The following WWOX variants were observed in gnomAD, a reference collection of about 807,000 sequenced individuals.
WWOX encodes the protein WW domain-containing oxidoreductase.
In WWOX, 69 loss-of-function variants were observed where a neutral mutation model predicts 46.2. The ratio of observed to expected loss-of-function variants is 1.49; its 90% CI spans 1.23 to 1.82. WWOX has a LOEUF of 1.82. Among genes scored for constraint, WWOX ranks in the 40% most tolerant of loss-of-function variants. The pLI, the probability that WWOX is intolerant of heterozygous loss-of-function variation, is 0.00. For synonymous variants in WWOX, 359 were observed against 202.6 expected (o/e 1.77, Z -6.56); for missense variants, 919 against 542.6 (o/e 1.69, Z -6.89).
At chr16:78,531,710 G>T (rs1045296587) in intron 8 of WWOX, among the ~76,000 whole-genome samples, 1 of 151,956 alleles carries the variant, frequency 6.6e-6, no homozygotes, top group Admixed American at 6.6e-5. Flanking sequence ...TGTATTTTGG[G>T]ATTCGGTTTA....
chr16:78,219,854 C>G (rs186524806), intron 5 of WWOX, among the ~76,000 whole-genome samples: 10 of 152,208 alleles, frequency 6.6e-5, no homozygotes, highest in Admixed American at 1.3e-4. Context: ...CTTGACTTCT[C>G]TCGACTGTGG....
At chr16:78,540,960 A>G (rs560935963) in intron 8 of WWOX, among the ~76,000 whole-genome samples, 1 of 152,252 alleles carries the variant, frequency 6.6e-6, no homozygotes, top group African/African-American at 2.4e-5. Context: ...CGCTGGGACC[A>G]ATAGAGATTT....
chr16:78,968,152 G>C (rs924884084), intron 8 of WWOX, among the ~76,000 whole-genome samples: 1 of 151,052 alleles, frequency 6.6e-6, no homozygotes, highest in Non-Finnish European at 1.5e-5. Context: ...ACAGCGCGTG[G>C]TCCGCGTGGC....
At chr16:78,933,648 A>G (rs146446423) in intron 8 of WWOX, among the ~76,000 whole-genome samples, 1 of 152,306 alleles carries the variant, frequency 6.6e-6, no homozygotes, top group Non-Finnish European at 1.5e-5. Flanking sequence ...TTACAGTTCC[A>G]TGTGGCTGGG....
At chr16:78,849,539 A>G (rs553868830) in intron 8 of WWOX, among the ~76,000 whole-genome samples, 1 of 136,332 alleles carries the variant, frequency 7.3e-6, no homozygotes, top group South Asian at 2.3e-4. Flanking sequence ...GTGACACTGC[A>G]CTCCGGCCTG....
intron 5 of WWOX, 38 bp downstream of exon 5, chr16:78,164,327 A>C (rs375480723): frequency 1.3e-6 from 2 of 1,576,188 alleles, no homozygotes; most frequent in African/African-American, 2.7e-5. Context: ...TTAATTGTCA[A>C]ATACACATGC....
chr16:78,150,397 G>A (rs909343208), intron 4 of WWOX, among the ~76,000 whole-genome samples: 1 of 152,088 alleles, frequency 6.6e-6, no homozygotes, highest in Non-Finnish European at 1.5e-5. Context: ...TTGAGATAGG[G>A]TCTCGCTCTG....
chr16:78,810,384 T>C (rs2051156276), intron 8 of WWOX, among the ~76,000 whole-genome samples: 1 of 152,200 alleles, frequency 6.6e-6, no homozygotes, highest in African/African-American at 2.4e-5. Flanking sequence ...CAGCCACACT[T>C]GTTTTTAACA....
rs1396104082 is a variant in WWOX at position 78,207,526 on chromosome 16, T to C, written c.516+43237T>C. ...TTTTTTTTTTGGTAATCTTTGTTAC[T>C]TTGTTAGGATTAAAGTAGCTTCTCA... is the stretch of plus-strand genomic sequence containing the variant. On this transcript the variant is annotated intron_variant, in intron 5 of 8. Transcript: ENST00000566780. 2.0e-5 allele frequency among the ~76,000 whole-genome samples: 3 copies of C among 151,832 alleles called. No individual in the cohort carries two copies. In the East Asian group the frequency reaches 5.8e-4, roughly 29 times the overall value.
At chr16:78,140,988 C>T (rs1285672946) in intron 4 of WWOX, among the ~76,000 whole-genome samples, 1 of 152,174 alleles carries the variant, frequency 6.6e-6, no homozygotes, top group African/African-American at 2.4e-5. Flanking sequence ...GTGATTACAG[C>T]AGTGAACAAA....
intron 8 of WWOX, among the ~76,000 whole-genome samples, chr16:78,874,405 G>T (rs868636722): frequency 3.3e-5 from 5 of 152,116 alleles, no homozygotes; most frequent in Admixed American, 1.3e-4. Flanking sequence ...TGCTAAAGCT[G>T]TCAAGTCCCG....
intron 5 of WWOX, chr16:78,270,396 C>CT (rs1038974765): frequency 2.6e-5 from 4 of 152,238 alleles, no homozygotes; most frequent in Non-Finnish European, 2.9e-5. Flanking sequence ...AAGACAGTGC[C>CT]TCCTTCCAGG....
intron 8 of WWOX, among the ~76,000 whole-genome samples, chr16:78,797,808 C>G (rs1053891726): frequency 2.0e-5 from 3 of 152,118 alleles, no homozygotes; most frequent in African/African-American, 7.2e-5. Flanking sequence ...GGCAACATAG[C>G]AAGTCTCTGT....
chr16:78,834,000 A>C (rs549371624), intron 8 of WWOX, among the ~76,000 whole-genome samples: 2 of 152,056 alleles, frequency 1.3e-5, no homozygotes, highest in South Asian at 2.1e-4. Flanking sequence ...AAGCATTTGG[A>C]ACATTTCAGC....
chr16:78,674,278 C>CTT (rs11386735), intron 8 of WWOX, among the ~76,000 whole-genome samples: 7,632 of 138,570 alleles, frequency 0.055, 247 homozygotes, highest in African/African-American at 0.083. Context: ...ACCAGTTCAT[C>CTT]TTTTTTTTTT....
chr16:78,782,971 T>A (rs1423582868), intron 8 of WWOX, among the ~76,000 whole-genome samples: 1 of 152,218 alleles, frequency 6.6e-6, no homozygotes, highest in Non-Finnish European at 1.5e-5. Context: ...TTTCTATGCC[T>A]GCCTGTGAAC....
intron 8 of WWOX, among the ~76,000 whole-genome samples, chr16:78,771,436 C>T (rs1446585426): frequency 6.6e-6 from 1 of 152,148 alleles, no homozygotes; most frequent in Non-Finnish European, 1.5e-5. Context: ...GGTTGTTCAA[C>T]ATCATGAGTG....
At chr16:78,455,104 C>G (rs757836058) in intron 8 of WWOX, among the ~76,000 whole-genome samples, 1 of 152,136 alleles carries the variant, frequency 6.6e-6, no homozygotes, top group Non-Finnish European at 1.5e-5. Context: ...ATGAGCAGCA[C>G]TGGGATGTGT....
At chr16:79,022,479 T>A (rs544154515) in intron 8 of WWOX, among the ~76,000 whole-genome samples, 9 of 152,094 alleles carry the variant, frequency 5.9e-5, no homozygotes, top group African/African-American at 2.2e-4. Flanking sequence ...TTTTACAGCC[T>A]TTTCTCGGAG....
Sources: gnomAD v4.1 joint callset for allele counts (sites outside exome capture counted in the v4.1 genomes callset) on GRCh38, gnomAD v4.1.1 for gene constraint, MANE v1.5 for transcripts, NCBI Gene and HGNC (gene_info 2026-07-23, HGNC 2026-07-21) for gene names.